The following CMTM7 variants were observed in gnomAD, a reference collection of about 807,000 sequenced individuals.
CMTM7 encodes CKLF-like MARVEL transmembrane domain-containing protein 7.
CMTM7 carries 7 observed loss-of-function variants against 19.3 expected under a neutral mutation model. The ratio of observed to expected loss-of-function variants is 0.36; its 90% CI spans 0.21 to 0.68. The LOEUF is 0.68. Ranked by LOEUF, CMTM7 falls within the 30% of genes least tolerant of loss-of-function variation. The pLI, the probability that CMTM7 is intolerant of heterozygous loss-of-function variation, is 0.60. For missense variants in CMTM7, 193 were observed against 232.6 expected (o/e 0.83, Z 1.11); for synonymous variants, 87 against 99.3 (o/e 0.88, Z 0.74).
At chr3:32,432,448 G>A (rs1696533884) in intron 1 of CMTM7, among the ~76,000 whole-genome samples, 1 of 152,218 alleles carries the variant, frequency 6.6e-6, no homozygotes, top group Non-Finnish European at 1.5e-5. Flanking sequence ...GTGACCACAT[G>A]TCAATAACCA....
At position 32,427,589 on chromosome 3, in the gene CMTM7, A is replaced by G. The variant is rs58080608; in HGVS notation, c.160-14251A>G. Among the ~76,000 whole-genome samples, 1,103 of 152,356 alleles carry G rather than the reference A, an allele frequency of 7.2e-3. 16 individuals carry two copies. The highest frequency in any genetic ancestry group is 0.025 in the African/African-American group (1,044 of 41,578). ...ATTAAGAATTCAGTTCTTTGGTCAC[A>G]CTAGCCCATTATAAAGGCTTAGTAG... On this transcript the variant is annotated intron_variant, in intron 1 of 4. Transcript: ENST00000334983.
chr3:32,397,122 G>A (rs1695929874), intron 1 of CMTM7, among the ~76,000 whole-genome samples: 1 of 152,160 alleles, frequency 6.6e-6, no homozygotes, highest in South Asian at 2.1e-4. Context: ...GTATAGTGAA[G>A]TCAAAGTAGT....
intron 1 of CMTM7, among the ~76,000 whole-genome samples, chr3:32,406,103 C>T (rs890492789): frequency 4.6e-5 from 7 of 152,234 alleles, no homozygotes; most frequent in African/African-American, 7.2e-5. Context: ...AGCATACCTA[C>T]GCCCACTGCT....
chr3:32,425,570 T>C, intron 1 of CMTM7, among the ~76,000 whole-genome samples: 1 of 152,330 alleles, frequency 6.6e-6, no homozygotes, highest in South Asian at 2.1e-4. Context: ...CTCTGTTTCC[T>C]CAATTCTAAG....
At chr3:32,423,181 G>C (rs897190294) in intron 1 of CMTM7, among the ~76,000 whole-genome samples, 1 of 152,164 alleles carries the variant, frequency 6.6e-6, no homozygotes, top group African/African-American at 2.4e-5. Context: ...CACTGTCCAC[G>C]TGCCTCTCAT....
chr3:32,444,379 T>C (rs933511015), intron 2 of CMTM7, among the ~76,000 whole-genome samples: 1 of 152,244 alleles, frequency 6.6e-6, no homozygotes, highest in Non-Finnish European at 1.5e-5. Flanking sequence ...AATACATGGA[T>C]TTAGTTCTGG....
At chr3:32,395,461 A>G (rs1422142762) in intron 1 of CMTM7, among the ~76,000 whole-genome samples, 1 of 152,230 alleles carries the variant, frequency 6.6e-6, no homozygotes, top group Non-Finnish European at 1.5e-5. Context: ...AGTTAAAGAG[A>G]CACTAAAGTC....
At chr3:32,443,578 G>A (rs1430473851) in intron 2 of CMTM7, among the ~76,000 whole-genome samples, 1 of 152,082 alleles carries the variant, frequency 6.6e-6, no homozygotes, top group African/African-American at 2.4e-5. Flanking sequence ...TCTCTGGTAT[G>A]TATCTAGGAG....
chr3:32,398,257 G>C (rs1695948322), intron 1 of CMTM7, among the ~76,000 whole-genome samples: 1 of 152,218 alleles, frequency 6.6e-6, no homozygotes, highest in Non-Finnish European at 1.5e-5. Flanking sequence ...TAACAGGATA[G>C]ACTCTTTCTG....
chr3:32,399,235 G>C (rs1176817455), intron 1 of CMTM7, among the ~76,000 whole-genome samples: 18 of 150,040 alleles, frequency 1.2e-4, no homozygotes, highest in Admixed American at 1.1e-3. Context: ...CCCCCTAGGG[G>C]TTATTTTGGA....
At chr3:32,429,790 G>A (rs1021948448) in intron 1 of CMTM7, among the ~76,000 whole-genome samples, 2 of 151,784 alleles carry the variant, frequency 1.3e-5, no homozygotes, top group African/African-American at 2.4e-5. Flanking sequence ...TAGTAGAGAC[G>A]GGGTTTCACT....
At chr3:32,402,891 A>T (rs534086023) in intron 1 of CMTM7, among the ~76,000 whole-genome samples, 6 of 152,324 alleles carry the variant, frequency 3.9e-5, no homozygotes, top group South Asian at 2.1e-4. Context: ...AAAAATGAAG[A>T]TCCTTCTGAA....
intron 1 of CMTM7, among the ~76,000 whole-genome samples, chr3:32,427,275 C>T (rs955526289): frequency 6.6e-6 from 1 of 152,234 alleles, no homozygotes. Flanking sequence ...GGTCTGGTCC[C>T]ACTGAGCAGG....
intron 4 of CMTM7, among the ~76,000 whole-genome samples, chr3:32,453,430 T>G (rs1696865709): frequency 6.6e-6 from 1 of 152,240 alleles, no homozygotes; most frequent in Admixed American, 6.5e-5. Flanking sequence ...AATATGTTTT[T>G]TCTCCTACTT....
At chr3:32,395,589 TGA>T (rs1005355484) in intron 1 of CMTM7, among the ~76,000 whole-genome samples, 3 of 152,164 alleles carry the variant, frequency 2.0e-5, no homozygotes, top group African/African-American at 7.2e-5. Context: ...AAAGCCACAG[TGA>T]GATAACACTT....
intron 1 of CMTM7, among the ~76,000 whole-genome samples, chr3:32,440,731 T>C (rs192947756): frequency 6.6e-6 from 1 of 152,286 alleles, no homozygotes; most frequent in East Asian, 1.9e-4. Flanking sequence ...TGAGCTGAGA[T>C]TGGTTCACTG....
intron 1 of CMTM7, among the ~76,000 whole-genome samples, chr3:32,424,296 G>A (rs1392632708): frequency 6.6e-6 from 1 of 152,146 alleles, no homozygotes; most frequent in African/African-American, 2.4e-5. Flanking sequence ...CTGAGAGTGC[G>A]GACCAGAAAG....
At chr3:32,452,217 C>A (rs537830445) in intron 3 of CMTM7, 175 bp from the exon 4 acceptor site, 10 of 1,510,548 alleles carry the variant, frequency 6.6e-6, no homozygotes, top group African/African-American at 2.8e-5. Context: ...CTGGGCCTCG[C>A]GGGGCTTCCT....
intron 1 of CMTM7, among the ~76,000 whole-genome samples, chr3:32,426,012 G>GCGCA (rs1696426412): frequency 6.6e-6 from 1 of 152,184 alleles, no homozygotes; most frequent in Non-Finnish European, 1.5e-5. Flanking sequence ...AGGCATGGTG[G>GCGCA]CGCACGCCTA....
Sources: gnomAD v4.1 joint callset for allele counts (sites outside exome capture counted in the v4.1 genomes callset) on GRCh38, gnomAD v4.1.1 for gene constraint, MANE v1.5 for transcripts, NCBI Gene and HGNC (gene_info 2026-07-23, HGNC 2026-07-21) for gene names.